SLC6A7: variants seen among roughly 807,000 people sequenced by gnomAD.
SLC6A7 encodes sodium-dependent proline transporter.
In SLC6A7, 58 loss-of-function variants were observed where a neutral mutation model predicts 73.1. The ratio of observed to expected loss-of-function variants is 0.79; its 90% CI spans 0.64 to 0.99. The LOEUF (loss-of-function observed/expected upper bound fraction) is 0.99. Ranked by LOEUF, SLC6A7 falls within the 50% of genes least tolerant of loss-of-function variation. The probability of loss-of-function intolerance (pLI) is 0.00; values close to 1 mark genes in which losing one functional copy is unlikely to be tolerated. For synonymous variants in SLC6A7, 338 were observed against 338.7 expected (o/e 1.00, Z 0.02); for missense variants, 783 against 831.4 (o/e 0.94, Z 0.72).
chr5:150,202,345 A>T lies in SLC6A7; in HGVS notation c.859-2A>T, dbSNP rs752731637. ...CCTCCCTTTCCATCCTTCCCGGCAC[A>T]GGTGTGGATTGAAGCTGCTCTTCAG... On this transcript the variant is annotated splice_acceptor_variant, in intron 6 of 13. Coordinates refer to ENST00000230671, the MANE Select transcript of SLC6A7 (RefSeq NM_014228.5). LOFTEE classifies it high-confidence loss of function. 6 of 1,607,422 alleles carry T rather than the reference A, an allele frequency of 3.7e-6. No individual in the cohort carries two copies. Among genetic ancestry groups the T allele is most frequent in the Non-Finnish European group, 5.1e-6 (6 of 1,174,048 alleles).
Position 150,203,950 on chromosome 5 carries a change from T to A in SLC6A7, c.1244T>A (p.Phe415Tyr). The change falls in exon 10 of 14, where the codon TTC (phenylalanine) becomes TAC (tyrosine). Residue 415 changes from phenylalanine (F) to tyrosine (Y), a missense_variant. Physicochemically the swap from Phe to Tyr is conservative, Grantham distance 22. Transcript: ENST00000230671. ...ETIVTAVTDE[F>Y]PYYLRPKKAV... ...ATTGTGACAGCTGTGACAGATGAGT[T>A]CCCATACTACCTGCGGCCCAAGAAG... 1 of 1,613,612 alleles carries A rather than the reference T, an allele frequency of 6.2e-7. No homozygotes were observed. Among genetic ancestry groups the A allele is most frequent in the Non-Finnish European group, 8.5e-7 (1 of 1,179,890 alleles).
chr5:150,198,817 TG>T (rs1753210946), intron 4 of SLC6A7, among the ~76,000 whole-genome samples: 1 of 94,668 alleles, frequency 1.1e-5, no homozygotes, highest in African/African-American at 5.1e-5. Context: ...GGATGGTGTG[TG>T]TGTGTGTGTG....
chr5:150,209,326 T>C, intron 13 of SLC6A7, 80 bp from the exon 14 acceptor site: 1 of 1,196,178 alleles, frequency 8.4e-7, no homozygotes, highest in Non-Finnish European at 1.2e-6. Flanking sequence ...GTCAGGTGTT[T>C]GCTGGGTGTC....
Position 150,199,983 on chromosome 5 carries a change from C to T in SLC6A7, c.723+617C>T, listed in dbSNP as rs116792691. On this transcript the variant is annotated intron_variant, in intron 5 of 13. Coordinates refer to ENST00000230671, the MANE Select transcript of SLC6A7 (RefSeq NM_014228.5). ...TCATTGGATGAGCAGGGCTGTGCAC[C>T]CATCCCTAAATTAATCCCTGTGGCC... Among the ~76,000 whole-genome samples, 599 of 152,248 alleles carry T rather than the reference C, an allele frequency of 3.9e-3. 6 individuals carry two copies. The highest frequency in any genetic ancestry group is 0.014 in the African/African-American group (574 of 41,544).
chr5:150,201,104 G>T lies in SLC6A7; in HGVS notation c.739G>T (p.Ala247Ser). Residue 247 changes from alanine (A) to serine (S), a missense_variant, in exon 6 of 14, where the codon GCC (alanine) becomes TCC (serine). Physicochemically the swap from Ala to Ser is moderately conservative, Grantham distance 99 (BLOSUM62 1). Coordinates refer to ENST00000230671, the MANE Select transcript of SLC6A7 (RefSeq NM_014228.5). Reference protein sequence around the residue: ...KSSGKVVYFTATFPYLILLML... With the variant: ...KSSGKVVYFTSTFPYLILLML... ...CATCTCTCAGGTGGTGTATTTCACG[G>T]CCACGTTCCCCTACCTCATCCTGCT... is the stretch of plus-strand genomic sequence containing the variant. 1 of 1,613,742 alleles carries T rather than the reference G, an allele frequency of 6.2e-7. No individual in the cohort carries two copies. The highest frequency in any genetic ancestry group is 8.5e-7 in the Non-Finnish European group (1 of 1,179,806).
intron 1 of SLC6A7, among the ~76,000 whole-genome samples, chr5:150,191,336 C>A (rs1346369159): frequency 6.6e-6 from 1 of 151,858 alleles, no homozygotes; most frequent in Non-Finnish European, 1.5e-5. Context: ...CACACACATT[C>A]ACACTCACAC....
intron 5 of SLC6A7, 141 bp downstream of exon 5, chr5:150,199,507 G>A: frequency 1.6e-6 from 1 of 608,652 alleles, no homozygotes; most frequent in East Asian, 2.9e-5. Context: ...TGAGACTGGG[G>A]GATGAGGGCT....
At chr5:150,196,930 TCCAGGCAGAGGTGGAAGTGAAGCC>T in intron 3 of SLC6A7, 83 bp downstream of exon 3, 1 of 1,538,394 alleles carries the variant, frequency 6.5e-7, no homozygotes. Context: ...CCCTGCCAGC[TCCAGGCAGAGGTGGAAGTGAAGCC>T]CAGATAGCTG....
At chr5:150,195,230 C>A (rs17111008) in intron 2 of SLC6A7, 17,466 of 258,566 alleles carry the variant, frequency 0.068, 708 homozygotes, top group African/African-American at 0.091. Flanking sequence ...GCTGTATCTG[C>A]CTGCCGATGA....
intron 5 of SLC6A7, among the ~76,000 whole-genome samples, chr5:150,199,592 G>C (rs909006653): frequency 7.2e-5 from 11 of 152,240 alleles, no homozygotes; most frequent in Non-Finnish European, 1.5e-4. Context: ...CACCAAGGCA[G>C]GGTCTACATT....
At chr5:150,198,103 GAAAGAAAGAAAGAGAA>G (rs1753152104) in intron 4 of SLC6A7, among the ~76,000 whole-genome samples, 4 of 106,306 alleles carry the variant, frequency 3.8e-5, no homozygotes, top group East Asian at 2.4e-4. Context: ...AAGAAAGAAA[GAAAGAAAGAAAGAGAA>G]AGAAAGAAAG....
chr5:150,196,841 T>C lies in SLC6A7; in HGVS notation c.343T>C (p.Phe115Leu). The change falls in exon 3 of 14, where the codon TTC becomes CTC. Residue 115 changes from phenylalanine (F) to leucine (L), a missense_variant. By Grantham distance (22) the Phe-to-Leu change is conservative. Coordinates refer to ENST00000230671, the MANE Select transcript of SLC6A7 (RefSeq NM_014228.5). ...GGCTGTCTGGAAAATCAGCCCTCTC[T>C]TCAAAGGTGAGGCCTCAGTGGTCCC... is the stretch of plus-strand genomic sequence containing the variant. ...PLAVWKISPL[F>L]KGAGAAMLLI... is the part of the protein sequence containing the mutation. 1 of 1,613,960 alleles carries C rather than the reference T, an allele frequency of 6.2e-7. No individual in the cohort carries two copies. The highest frequency in any genetic ancestry group is 8.5e-7 in the Non-Finnish European group (1 of 1,179,900).
intron 4 of SLC6A7, 91 bp downstream of exon 4, chr5:150,197,367 G>A (rs143700145): frequency 8.9e-6 from 7 of 786,848 alleles, no homozygotes; most frequent in Admixed American, 2.8e-5. Context: ...AGCATGTACC[G>A]CCAAGATGAG....
chr5:150,203,994 A>T lies in SLC6A7; in HGVS notation c.1288A>T (p.Ile430Phe), dbSNP rs548506358. 1 of 1,613,758 alleles carries T rather than the reference A, an allele frequency of 6.2e-7. No individual in the cohort carries two copies. The highest frequency in any genetic ancestry group is 1.7e-5 in the Admixed American group (1 of 59,956). The change falls in exon 10 of 14, where the codon ATC (isoleucine) becomes TTC (phenylalanine). Residue 430 changes from isoleucine to phenylalanine, a missense_variant. Physicochemically the swap from Ile to Phe is conservative, Grantham distance 21 (BLOSUM62 0). Transcript: ENST00000230671. The stretch of plus-strand genomic sequence containing the variant: ...CAAGAAGGCGGTGTTCTCAGGGCTC[A>T]TCTGCGTGGCCATGTACCTGATGGG... Reference protein sequence around the residue: ...RPKKAVFSGLICVAMYLMGLI... With the variant: ...RPKKAVFSGLFCVAMYLMGLI...
chr5:150,205,975 G>T (rs764125229), intron 13 of SLC6A7, among the ~76,000 whole-genome samples: 7 of 152,176 alleles, frequency 4.6e-5, no homozygotes, highest in Non-Finnish European at 7.3e-5. Context: ...GACCCCAGAG[G>T]GCAGGCTATC....
At chr5:150,198,115 GAGAAAGAA>G (rs1554115651) in intron 4 of SLC6A7, among the ~76,000 whole-genome samples, 17 of 77,620 alleles carry the variant, frequency 2.2e-4, no homozygotes, top group East Asian at 8.1e-4. Context: ...AAGAAAGAAA[GAGAAAGAA>G]AGAAAGAAAG....
chr5:150,191,975 A>G (rs1752810154), intron 1 of SLC6A7, among the ~76,000 whole-genome samples: 1 of 151,898 alleles, frequency 6.6e-6, no homozygotes, highest in African/African-American at 2.4e-5. Context: ...CAACTGAGGC[A>G]CAGAGGGGTG....
chr5:150,199,027 G>A (rs1464886503), intron 4 of SLC6A7, among the ~76,000 whole-genome samples: 1 of 152,154 alleles, frequency 6.6e-6, no homozygotes, highest in Non-Finnish European at 1.5e-5. Flanking sequence ...TCCTTCCTCA[G>A]CCTCCCAAAG....
intron 1 of SLC6A7, among the ~76,000 whole-genome samples, chr5:150,191,555 C>G (rs943717024): frequency 5.9e-5 from 9 of 152,004 alleles, no homozygotes; most frequent in Non-Finnish European, 8.8e-5. Flanking sequence ...CTCAGCCTCC[C>G]GAGTAGCTGG....
Sources: gnomAD v4.1 joint callset for allele counts (sites outside exome capture counted in the v4.1 genomes callset) on GRCh38, gnomAD v4.1.1 for gene constraint, MANE v1.5 for transcripts, NCBI Gene and HGNC (gene_info 2026-07-23, HGNC 2026-07-21) for gene names.